PRPF6: variants seen among roughly 807,000 people sequenced by gnomAD.
PRPF6 encodes pre-mRNA processing factor 6, also known as pre-mRNA-processing factor 6.
A neutral mutation model predicts 118.3 loss-of-function variants in PRPF6; 42 were observed. The observed-to-expected ratio is 0.35, with a 90% CI of 0.28 to 0.46. The LOEUF (loss-of-function observed/expected upper bound fraction) is 0.46. Ranked by LOEUF, PRPF6 falls within the 20% of genes least tolerant of loss-of-function variation. The pLI, the probability that PRPF6 is intolerant of heterozygous loss-of-function variation, is 1.00. For missense variants in PRPF6, 662 were observed against 1,255.7 expected, an observed-to-expected ratio of 0.53 and a Z score of 7.15; for synonymous variants, 481 against 485.1, an observed-to-expected ratio of 0.99 and a Z score of 0.11.
chr20:64,028,538 G>A lies in PRPF6; in HGVS notation c.2400G>A (p.Met800Ile). The change falls in exon 18 of 21, where the codon ATG (methionine) becomes ATA (isoleucine). Residue 800 changes from methionine (M) to isoleucine (I), a missense_variant. Met to Ile is a conservative substitution (Grantham distance 10). Around this residue, in one of 10 missense-constraint regions of PRPF6, gnomAD observed 244 missense variants for 383.7 expected, o/e 0.64. Transcript: ENST00000266079. This position sits in a 1 kb window ranked among gnomAD's most constrained non-coding sequence, Gnocchi z 6.5. Reference protein sequence around the residue: ...AGLKNIANTLMAKALQECPNS... With the variant: ...AGLKNIANTLIAKALQECPNS... ...TGAAGAACATCGCAAATACACTCAT[G>A]GCCAAGGCGCTGCAGGAGTGCCCCA... The A allele has an allele frequency of 1.2e-6, 2 of 1,613,750 alleles. No homozygotes were observed. The highest frequency in any genetic ancestry group is 1.7e-6 in the Non-Finnish European group (2 of 1,180,020).
At chr20:63,992,327 T>C (rs2059122229) in intron 3 of PRPF6, among the ~76,000 whole-genome samples, 1 of 152,128 alleles carries the variant, frequency 6.6e-6, no homozygotes, top group Non-Finnish European at 1.5e-5. Flanking sequence ...AATGGCATGA[T>C]CTTGGCTCCC....
intron 9 of PRPF6, among the ~76,000 whole-genome samples, chr20:64,008,139 T>C (rs1444317211): frequency 1.3e-5 from 2 of 152,202 alleles, no homozygotes; most frequent in African/African-American, 2.4e-5. Flanking sequence ...CCAGCTGTCA[T>C]GTCAGTACCT....
At chr20:63,995,283 G>A (rs1467853390) in intron 5 of PRPF6, 44 bp from the exon 6 acceptor site, 6 of 1,583,900 alleles carry the variant, frequency 3.8e-6, no homozygotes, top group Non-Finnish European at 5.2e-6. Context: ...GGCATGCAGT[G>A]CAAACCGTTG....
intron 3 of PRPF6, among the ~76,000 whole-genome samples, chr20:63,986,051 C>T (rs527808160): frequency 1.3e-5 from 2 of 152,140 alleles, no homozygotes; most frequent in East Asian, 1.9e-4. Context: ...GATGGTTCAT[C>T]GGCTGGGCGC....
intron 9 of PRPF6, among the ~76,000 whole-genome samples, chr20:64,002,358 C>CA (rs1245099470): frequency 8.1e-6 from 1 of 123,470 alleles, no homozygotes; most frequent in African/African-American, 3.1e-5. Flanking sequence ...TTTTTTTAGA[C>CA]AGAGTCTCGC....
At position 64,001,057 on chromosome 20, in the gene PRPF6, T is replaced by G; in HGVS notation, c.1024-20T>G. 6.2e-7 allele frequency: 1 copy of G among 1,613,554 alleles called. No homozygotes were observed. Among genetic ancestry groups the G allele is most frequent in the Non-Finnish European group, 8.5e-7 (1 of 1,179,854 alleles). On this transcript the variant is annotated intron_variant, in intron 8 of 20. Transcript: ENST00000266079. ...TCCAGCCTGCACTGAGCCTTATTGG[T>G]CTTATCTCTTGCCTCACAGAGTGAA...
At chr20:64,030,727 T>G (rs1417324746) in intron 19 of PRPF6, among the ~76,000 whole-genome samples, 2 of 152,240 alleles carry the variant, frequency 1.3e-5, no homozygotes, top group African/African-American at 2.4e-5. Flanking sequence ...GTTTTGTGTG[T>G]CTGCTATCTG....
At position 64,022,843 on chromosome 20, in the gene PRPF6, G is replaced by A. The variant is rs1489877978; in HGVS notation, c.1734G>A (p.Leu578=). ...QVFPSKKSVW[L]RAAYFEKNHG... ...TCCCCAGCAAGAAGAGTGTGTGGCT[G>A]CGCGCCGCGTACTTCGAGAAGAACC... Residue 578 remains leucine (L), a synonymous_variant, in exon 13 of 21, where the codon CTG becomes CTA. Transcript: ENST00000266079. The A allele has an allele frequency of 1.2e-6, 2 of 1,613,984 alleles. No individual in the cohort carries two copies. Among genetic ancestry groups the A allele is most frequent in the African/African-American group, 2.7e-5 (2 of 74,920 alleles).
intron 11 of PRPF6, among the ~76,000 whole-genome samples, chr20:64,013,202 C>G (rs2059222763): frequency 6.6e-6 from 1 of 152,046 alleles, no homozygotes. Flanking sequence ...TGACCTCAAG[C>G]AACCTGCCCG....
intron 14 of PRPF6, among the ~76,000 whole-genome samples, chr20:64,025,585 G>C (rs766855968): frequency 2.0e-5 from 3 of 152,242 alleles, no homozygotes; most frequent in Non-Finnish European, 2.9e-5. Context: ...TGCGTGTGAT[G>C]AGTCTACCAG....
At chr20:63,986,130 C>T (rs1474131017) in intron 3 of PRPF6, among the ~76,000 whole-genome samples, 5 of 152,086 alleles carry the variant, frequency 3.3e-5, no homozygotes, top group East Asian at 3.9e-4. Flanking sequence ...CATCTGAGGT[C>T]AGGAGTTCAA....
chr20:64,032,939 G>A lies in PRPF6; in HGVS notation c.2772G>A (p.Lys924=). Residue 924 remains lysine (K), a synonymous_variant, in exon 21 of 21, where the codon AAG becomes AAA. Transcript: ENST00000266079. Reference sequence around the variant, plus strand: ...CCAAGGACATCGCCAACTGGCAGAAGAAGATCGGGGACATCCTTAGGCTGG... The same window carrying A: ...CCAAGGACATCGCCAACTGGCAGAAAAAGATCGGGGACATCCTTAGGCTGG... The part of the protein sequence containing the change: ...AVSKDIANWQ[K]KIGDILRLVA... The A allele has an allele frequency of 2.5e-6, 4 of 1,613,498 alleles. No individual in the cohort carries two copies. The highest frequency in any genetic ancestry group is 1.1e-5 in the South Asian group (1 of 91,086).
chr20:64,016,971 C>T (rs2059241279), intron 12 of PRPF6, 126 bp downstream of exon 12: 1 of 1,333,358 alleles, frequency 7.5e-7, no homozygotes, highest in Admixed American at 2.0e-5. Context: ...GAGACGGGGT[C>T]TTGCTCTGTC....
intron 9 of PRPF6, among the ~76,000 whole-genome samples, chr20:64,008,579 A>T (rs1601522366): frequency 6.6e-6 from 1 of 152,244 alleles, no homozygotes; most frequent in East Asian, 1.9e-4. Context: ...CCGTGCCCGC[A>T]TCTGTTCCTT....
intron 3 of PRPF6, among the ~76,000 whole-genome samples, 186 bp from the exon 4 acceptor site, chr20:63,993,221 A>T (rs1028106658): frequency 4.7e-4 from 58 of 123,606 alleles, no homozygotes; most frequent in Non-Finnish European, 6.9e-5. Context: ...ATCTCAAAAA[A>T]AAAAATGTGT....
intron 9 of PRPF6, among the ~76,000 whole-genome samples, chr20:64,009,323 G>GGCA (rs1467515998): frequency 1.3e-5 from 2 of 150,476 alleles, no homozygotes; most frequent in East Asian, 3.9e-4. Context: ...TTCAGACACT[G>GGCA]GCATTTTTTC....
At chr20:64,007,084 G>A (rs2059193340) in intron 9 of PRPF6, among the ~76,000 whole-genome samples, 1 of 152,226 alleles carries the variant, frequency 6.6e-6, no homozygotes, top group Non-Finnish European at 1.5e-5. Flanking sequence ...GCAGCCACCA[G>A]TGCAGGAGGC....
intron 2 of PRPF6, 116 bp from the exon 3 acceptor site, chr20:63,984,791 T>A: frequency 1.3e-6 from 1 of 770,912 alleles, no homozygotes; most frequent in Non-Finnish European, 2.2e-6. Flanking sequence ...TTGATTTGGC[T>A]TCGTTGGCTG....
In PRPF6 at chr20:63,984,977, T is replaced by C. The variant is rs1361456904; in HGVS notation, c.311T>C (p.Ile104Thr). The C allele has an allele frequency of 6.2e-7, 1 of 1,613,762 alleles. No individual in the cohort carries two copies. The highest frequency in any genetic ancestry group is 1.7e-5 in the Admixed American group (1 of 60,002). Residue 104 changes from isoleucine to threonine, a missense_variant, in exon 3 of 21, where the codon ATC becomes ACC. By Grantham distance (89) the Ile-to-Thr change is moderately conservative. This residue lies in a region of PRPF6 where 20 missense variants were observed against 69.4 expected (regional missense o/e 0.29). Coordinates refer to ENST00000266079, the MANE Select transcript of PRPF6 (RefSeq NM_012469.4). ...AAAGATGATGAGGAAGCAGATGCTA[T>C]CTATGCAGCCCTGGATAAAAGGATG... ...YEKDDEEADAIYAALDKRMDE... is the reference protein window; with the variant it reads ...YEKDDEEADATYAALDKRMDE...
Sources: gnomAD v4.1 joint callset for allele counts (sites outside exome capture counted in the v4.1 genomes callset) on GRCh38, gnomAD v4.1.1 for gene constraint, gnomAD v4.1.1 regional missense constraint, Gnocchi (gnomAD v3.1) non-coding constraint, MANE v1.5 for transcripts, NCBI Gene and HGNC (gene_info 2026-07-23, HGNC 2026-07-21) for gene names.